Variants in MYOCD observed in about 807,000 individuals in gnomAD.
The protein encoded by MYOCD is myocardin.
In MYOCD, 32 loss-of-function variants were observed where a neutral mutation model predicts 96.1. That is an observed-to-expected ratio of 0.33 (90% CI 0.25 to 0.45). The LOEUF (loss-of-function observed/expected upper bound fraction) is 0.45, where lower values mean the gene tolerates loss of function less well. Ranked by LOEUF, MYOCD falls within the 20% of genes least tolerant of loss-of-function variation. The pLI is 1.00. For missense variants in MYOCD, 1,133 were observed against 1,200.6 expected (o/e 0.94, Z 0.83); for synonymous variants, 469 against 469.0 (o/e 1.00, Z 0.00).
intron 7 of MYOCD, among the ~76,000 whole-genome samples, chr17:12,740,660 G>A (rs964788444): frequency 6.6e-6 from 1 of 152,094 alleles, no homozygotes; most frequent in Non-Finnish European, 1.5e-5. Flanking sequence ...TACACAGGCT[G>A]CTCTCTCTTC....
intron 4 of MYOCD, among the ~76,000 whole-genome samples, chr17:12,719,867 C>CA (rs57652662): frequency 0.54 from 44,231 of 82,458 alleles, 12,041 homozygotes; most frequent in Non-Finnish European, 0.66. Context: ...GACTCAGTCT[C>CA]AAAAAAAAAA....
chr17:12,758,672 G>A (rs1223169939), intron 12 of MYOCD, among the ~76,000 whole-genome samples: 2 of 152,198 alleles, frequency 1.3e-5, no homozygotes, highest in Non-Finnish European at 2.9e-5. Context: ...GGGTATTGAA[G>A]CTGGATAATA....
rs1002624356 is a variant in MYOCD at position 12,752,570 on chromosome 17, A to G, written c.1282A>G (p.Asn428Asp). The change falls in exon 10 of 14, where the codon AAC becomes GAC. Residue 428 changes from asparagine to aspartate, a missense_variant. Coordinates refer to ENST00000425538, the MANE Select transcript of MYOCD (RefSeq NM_001146312.3). Reference protein sequence around the residue: ...ITTVTFPVTPNTLPNYQSSSS... With the variant: ...ITTVTFPVTPDTLPNYQSSSS... The stretch of plus-strand genomic sequence containing the variant: ...GACTGTCACTTTTCCTGTCACACCC[A>G]ACACGCTGCCCAATTACCAGTCTTC... 3.7e-6 allele frequency: 6 copies of G among 1,614,022 alleles called. No individual in the cohort carries two copies. The African/African-American group carries it at 8.0e-5, about 22-fold the overall frequency.
chr17:12,732,008 T>C lies in MYOCD; in HGVS notation c.416-4153T>C, dbSNP rs573832931. 4.9e-4 allele frequency among the ~76,000 whole-genome samples: 74 copies of C among 152,340 alleles called. 1 individual carries two copies. Among genetic ancestry groups the C allele is most frequent in the African/African-American group, 1.7e-3 (71 of 41,580 alleles). On this transcript the variant is annotated intron_variant, in intron 5 of 13. Coordinates refer to ENST00000425538, the MANE Select transcript of MYOCD (RefSeq NM_001146312.3). ...TGACAGGGGCCCCCATGGTGAGATC[T>C]TGTGGCCTGGACAGCGACCAGTGGT...
At chr17:12,707,359 C>T (rs976063) in intron 2 of MYOCD, among the ~76,000 whole-genome samples, 2 of 151,984 alleles carry the variant, frequency 1.3e-5, no homozygotes, top group Non-Finnish European at 1.5e-5. Context: ...CAATAATAAG[C>T]AAGATGGTCC....
chr17:12,717,567 C>A, intron 4 of MYOCD, 146 bp downstream of exon 4: 1 of 654,214 alleles, frequency 1.5e-6, no homozygotes, highest in Non-Finnish European at 2.6e-6. Flanking sequence ...ATCATCTAAG[C>A]CTTCTAGGCC....
chr17:12,749,876 G>A (rs1688974346), intron 9 of MYOCD, among the ~76,000 whole-genome samples: 1 of 151,842 alleles, frequency 6.6e-6, no homozygotes, highest in African/African-American at 2.4e-5. Flanking sequence ...TTGAGACGGA[G>A]GCTCGCTCTG....
rs553496743 is a variant in MYOCD, at chr17:12,768,619, C to T, written c.*4975C>T. The T allele has an allele frequency of 6.6e-6, 1 of 152,176 alleles. No homozygotes were observed. Among genetic ancestry groups the T allele is most frequent in the South Asian group, 2.1e-4 (1 of 4,822 alleles). The allele number at this position is 152,176 out of a possible 1,614,324, so 9.4% of individuals were successfully genotyped here. A position where few individuals can be genotyped will look rare whatever the true frequency, so the allele number is the denominator to read the frequency against. On this transcript the variant is annotated 3_prime_UTR_variant, in exon 14 of 14. Coordinates refer to ENST00000425538, the MANE Select transcript of MYOCD (RefSeq NM_001146312.3). ...TTTAATGTTTTCCAAAGGAAAGGAA[C>T]CCACACTGCTCCCCAGAGTTCCTTT...
intron 4 of MYOCD, among the ~76,000 whole-genome samples, chr17:12,719,210 A>G (rs1258030017): frequency 7.1e-6 from 1 of 141,444 alleles, no homozygotes; most frequent in African/African-American, 2.6e-5. Flanking sequence ...AAAAAGACAT[A>G]CAGACTTTTC....
chr17:12,739,449 A>G, intron 7 of MYOCD, 121 bp downstream of exon 7: 1 of 1,184,700 alleles, frequency 8.4e-7, no homozygotes, highest in South Asian at 2.1e-5. Flanking sequence ...ACCCAGGCAG[A>G]GGTTCAGCTC....
intron 7 of MYOCD, among the ~76,000 whole-genome samples, chr17:12,743,210 G>A (rs1339658219): frequency 6.6e-6 from 1 of 152,116 alleles, no homozygotes; most frequent in Non-Finnish European, 1.5e-5. Context: ...ACTCTGGGAA[G>A]TGTTCCAGTT....
intron 1 of MYOCD, among the ~76,000 whole-genome samples, chr17:12,686,479 A>T (rs2030124875): frequency 6.6e-6 from 1 of 152,252 alleles, no homozygotes; most frequent in Non-Finnish European, 1.5e-5. Context: ...CAGAAATTGA[A>T]TGTAGGCCCA....
chr17:12,705,154 A>G lies in MYOCD; in HGVS notation c.82A>G (p.Arg28Gly), dbSNP rs770602844. 4.6e-5 allele frequency: 74 copies of G among 1,613,602 alleles called. No homozygotes were observed. The highest frequency in any genetic ancestry group is 6.3e-5 in the Non-Finnish European group (74 of 1,179,654). Residue 28 changes from arginine to glycine, a missense_variant, in exon 2 of 14, where the codon AGG becomes GGG. Coordinates refer to ENST00000425538, the MANE Select transcript of MYOCD (RefSeq NM_001146312.3). ...SVLQLRLQQRRTQEQLANQGI... is the reference protein window; with the variant it reads ...SVLQLRLQQRGTQEQLANQGI... The stretch of plus-strand genomic sequence containing the variant: ...TTTACAGTTAAGACTTCAACAAAGA[A>G]GGACCCAGGAACAACTGGCTAACCA...
At chr17:12,760,813 C>A in intron 13 of MYOCD, 106 bp downstream of exon 13, 1 of 899,130 alleles carries the variant, frequency 1.1e-6, no homozygotes, top group Non-Finnish European at 1.8e-6. Context: ...GTTGGATGTA[C>A]CAGGTAGTCC....
intron 5 of MYOCD, among the ~76,000 whole-genome samples, chr17:12,730,394 G>A (rs954821038): frequency 2.0e-5 from 3 of 149,846 alleles, no homozygotes; most frequent in Non-Finnish European, 2.9e-5. Flanking sequence ...GTTGCAGTGA[G>A]CCAAGATCGC....
intron 5 of MYOCD, among the ~76,000 whole-genome samples, chr17:12,729,061 A>G (rs989110838): frequency 6.6e-6 from 1 of 152,196 alleles, no homozygotes; most frequent in African/African-American, 2.4e-5. Flanking sequence ...ACCCTCTCTG[A>G]TCGTTCATTT....
At chr17:12,731,184 G>A (rs1163543451) in intron 5 of MYOCD, among the ~76,000 whole-genome samples, 2 of 152,192 alleles carry the variant, frequency 1.3e-5, no homozygotes, top group Non-Finnish European at 1.5e-5. Context: ...AGATTGGAGC[G>A]GAGGCCCAGG....
At position 12,722,908 on chromosome 17, in the gene MYOCD, C is replaced by T. The variant is rs781205953; in HGVS notation, c.315C>T (p.Ala105=). The part of the protein sequence containing the change: ...AQMKLKRARL[A]DDLNEKIALR... ...TGAAGCTGAAAAGAGCCCGACTCGC[C>T]GATGATCTCAATGAAAAAATTGCTC... Residue 105 remains alanine (A), a synonymous_variant, in exon 5 of 14, where the codon GCC becomes GCT. Coordinates refer to ENST00000425538, the MANE Select transcript of MYOCD (RefSeq NM_001146312.3). The T allele has an allele frequency of 4.8e-5, 77 of 1,613,802 alleles. No homozygotes were observed. The highest frequency in any genetic ancestry group is 1.3e-4 in the Admixed American group (8 of 59,988).
chr17:12,756,851 A>T (rs2033029418), intron 11 of MYOCD, among the ~76,000 whole-genome samples: 1 of 152,094 alleles, frequency 6.6e-6, no homozygotes, highest in South Asian at 2.1e-4. Context: ...AAAATAATGA[A>T]GTTCCCTTTC....
Sources: gnomAD v4.1 joint callset for allele counts (sites outside exome capture counted in the v4.1 genomes callset) on GRCh38, gnomAD v4.1.1 for gene constraint, MANE v1.5 for transcripts, NCBI Gene and HGNC (gene_info 2026-07-23, HGNC 2026-07-21) for gene names.